The following CSMD1 variants were observed in gnomAD, a reference collection of about 807,000 sequenced individuals.
The protein encoded by CSMD1 is CUB and sushi domain-containing protein 1.
In CSMD1, 213 loss-of-function variants were observed where a neutral mutation model predicts 417.5. The ratio of observed to expected loss-of-function variants is 0.51; its 90% CI spans 0.46 to 0.57. The LOEUF (loss-of-function observed/expected upper bound fraction) is 0.57, where lower values mean the gene tolerates loss of function less well. Among genes scored for constraint, CSMD1 ranks in the 20% least tolerant of loss-of-function variants. The pLI, the probability that CSMD1 is intolerant of heterozygous loss-of-function variation, is 0.00. For synonymous variants in CSMD1, 2,862 were observed against 1,736.8 expected, an observed-to-expected ratio of 1.65 and a Z score of -16.11; for missense variants, 6,923 against 4,529.7, an observed-to-expected ratio of 1.53 and a Z score of -15.17.
At chr8:3,508,390 G>C (rs1239532948) in intron 10 of CSMD1, among the ~76,000 whole-genome samples, 2 of 151,840 alleles carry the variant, frequency 1.3e-5, no homozygotes, top group Non-Finnish European at 1.5e-5. Context: ...ATAGCATTAG[G>C]AGATATACCT....
At chr8:4,267,546 A>T (rs1804294531) in intron 3 of CSMD1, among the ~76,000 whole-genome samples, 1 of 151,958 alleles carries the variant, frequency 6.6e-6, no homozygotes, top group South Asian at 2.1e-4. Flanking sequence ...CTCCAATTGT[A>T]ATAGAAATAG....
At chr8:3,986,286 C>G (rs1639885046) in intron 5 of CSMD1, among the ~76,000 whole-genome samples, 1 of 152,144 alleles carries the variant, frequency 6.6e-6, no homozygotes, top group South Asian at 2.1e-4. Context: ...TCTCTACAAT[C>G]CTTCCCTATG....
rs1219493560 is a variant in CSMD1 at position 2,938,382 on chromosome 8, A to C, written c.*203T>G. 2.0e-6 allele frequency: 1 copy of C among 490,608 alleles called. No individual in the cohort carries two copies. Among genetic ancestry groups the C allele is most frequent in the African/African-American group, 2.0e-5 (1 of 50,744 alleles). The allele number at this position is 490,608 out of a possible 1,614,324, so 30.4% of individuals were successfully genotyped here. A position where few individuals can be genotyped will look rare whatever the true frequency, so the allele number is the denominator to read the frequency against. ...CAGGCATTTAGAACCCACTTTTGGAATGAAAACGCATGTGTAGTTTGATCC... is the reference window on the plus strand; with the variant it reads ...CAGGCATTTAGAACCCACTTTTGGACTGAAAACGCATGTGTAGTTTGATCC... On this transcript the variant is annotated 3_prime_UTR_variant, in exon 70 of 70. Coordinates refer to ENST00000635120, the MANE Select transcript of CSMD1 (RefSeq NM_033225.6).
intron 3 of CSMD1, among the ~76,000 whole-genome samples, chr8:4,221,115 A>G (rs1398561628): frequency 6.6e-6 from 1 of 152,178 alleles, no homozygotes; most frequent in African/African-American, 2.4e-5. Context: ...TACAACGGAC[A>G]AGACAGAGAA....
chr8:3,436,300 C>A lies in CSMD1; in HGVS notation c.1562-26695G>T, dbSNP rs183007913. Among the ~76,000 whole-genome samples the A allele has an allele frequency of 2.0e-3, 307 of 152,254 alleles. 1 individual carries two copies. The highest frequency in any genetic ancestry group is 7.1e-3 in the African/African-American group (296 of 41,556). On this transcript the variant is annotated intron_variant, in intron 12 of 69. Transcript: ENST00000635120. The stretch of plus-strand genomic sequence containing the variant: ...TAAGATACATCCCATATCAGAGGTA[C>A]AAAAAGGTGAGAAAGTCCATGCCTT...
At chr8:3,463,147 G>T (rs371706336) in intron 12 of CSMD1, among the ~76,000 whole-genome samples, 1 of 152,190 alleles carries the variant, frequency 6.6e-6, no homozygotes, top group East Asian at 1.9e-4. Context: ...ATTCTGTTAC[G>T]GCAACCTGAA....
chr8:3,502,135 C>T (rs139149408), intron 10 of CSMD1, among the ~76,000 whole-genome samples: 3,289 of 152,126 alleles, frequency 0.022, 87 homozygotes, highest in East Asian at 0.11. Flanking sequence ...AAGGCTGAGG[C>T]TGGCAGATCA....
intron 3 of CSMD1, among the ~76,000 whole-genome samples, chr8:4,168,909 G>A (rs1214507092): frequency 3.9e-5 from 6 of 152,144 alleles, no homozygotes; most frequent in South Asian, 4.1e-4. Context: ...AACCGCCAGT[G>A]CCAGGCCTTG....
intron 3 of CSMD1, among the ~76,000 whole-genome samples, chr8:4,195,227 A>C (rs1799261134): frequency 6.6e-6 from 1 of 152,198 alleles, no homozygotes; most frequent in African/African-American, 2.4e-5. Flanking sequence ...ATTCGATTTC[A>C]GGCAGATTTT....
intron 1 of CSMD1, among the ~76,000 whole-genome samples, chr8:4,784,356 G>C (rs1344161087): frequency 6.6e-6 from 1 of 152,142 alleles, no homozygotes; most frequent in Non-Finnish European, 1.5e-5. Context: ...TCCCCCTGCA[G>C]GGTCATTTAA....
intron 18 of CSMD1, 80 bp from the exon 19 acceptor site, chr8:3,369,450 G>T: frequency 1.4e-6 from 1 of 698,628 alleles, no homozygotes; most frequent in Non-Finnish European, 2.5e-6. Flanking sequence ...TAAATGGCAT[G>T]CAATTTGCAC....
intron 8 of CSMD1, among the ~76,000 whole-genome samples, chr8:3,604,916 T>G (rs1269457026): frequency 6.6e-6 from 1 of 152,334 alleles, no homozygotes; most frequent in African/African-American, 2.4e-5. Flanking sequence ...TGTTTGACAC[T>G]TTTCATAATA....
chr8:4,463,043 A>T (rs967487209), intron 2 of CSMD1, among the ~76,000 whole-genome samples: 2 of 152,190 alleles, frequency 1.3e-5, no homozygotes, highest in Non-Finnish European at 2.9e-5. Flanking sequence ...AAATTATATA[A>T]AATATAAATA....
intron 49 of CSMD1, among the ~76,000 whole-genome samples, chr8:3,056,683 C>T (rs1812250329): frequency 6.6e-6 from 1 of 151,920 alleles, no homozygotes; most frequent in Admixed American, 6.6e-5. Flanking sequence ...CTGAGGATTT[C>T]TGAGGATTTT....
At chr8:4,826,905 T>C (rs1449433269) in intron 1 of CSMD1, among the ~76,000 whole-genome samples, 1 of 152,178 alleles carries the variant, frequency 6.6e-6, no homozygotes, top group East Asian at 1.9e-4. Flanking sequence ...TGCCTCAAAA[T>C]CTGAGCACTT....
intron 7 of CSMD1, among the ~76,000 whole-genome samples, chr8:3,625,768 G>C (rs540554129): frequency 1.3e-5 from 2 of 152,024 alleles, no homozygotes; most frequent in Admixed American, 1.3e-4. Context: ...CAGTAGTTTT[G>C]AACACTGCAG....
chr8:4,720,603 G>A (rs1676975), intron 1 of CSMD1, among the ~76,000 whole-genome samples: 27,850 of 152,040 alleles, frequency 0.18, 2,773 homozygotes, highest in Middle Eastern at 0.28. Context: ...TTTAAATAGA[G>A]ACAGGGTTTC....
chr8:3,556,608 G>A (rs1474033019), intron 10 of CSMD1, among the ~76,000 whole-genome samples: 1 of 151,136 alleles, frequency 6.6e-6, no homozygotes, highest in Non-Finnish European at 1.5e-5. Context: ...TGCCTTTAGG[G>A]CTGGTACAAA....
chr8:3,753,926 T>G lies in CSMD1; in HGVS notation c.931+4A>C, dbSNP rs1797508712. On this transcript the variant is annotated splice_donor_region_variant and intron_variant, in intron 6 of 69. Transcript: ENST00000635120. The stretch of plus-strand genomic sequence containing the variant: ...TTTTTTCTTATAAGATGGAGCATCC[T>G]TACCTTGGAACTGAGCGTTAAATCC... 6.3e-7 allele frequency: 1 copy of G among 1,592,482 alleles called. No homozygotes were observed. The highest frequency in any genetic ancestry group is 8.6e-7 in the Non-Finnish European group (1 of 1,162,046).
Sources: gnomAD v4.1 joint callset for allele counts (sites outside exome capture counted in the v4.1 genomes callset) on GRCh38, gnomAD v4.1.1 for gene constraint, MANE v1.5 for transcripts, NCBI Gene and HGNC (gene_info 2026-07-23, HGNC 2026-07-21) for gene names.